Variants in SPATA6 observed in about 807,000 individuals in gnomAD.
SPATA6 encodes spermatogenesis-associated protein 6.
SPATA6 carries 56 observed loss-of-function variants against 65.3 expected under a neutral mutation model. That is an observed-to-expected ratio of 0.86 (90% CI 0.69 to 1.07). The LOEUF (loss-of-function observed/expected upper bound fraction) is 1.07, where lower values mean the gene tolerates loss of function less well. Among genes scored for constraint, SPATA6 ranks in the 50% least tolerant of loss-of-function variants. The probability of loss-of-function intolerance (pLI) is 0.00; values close to 1 mark genes in which losing one functional copy is unlikely to be tolerated. For missense variants in SPATA6, 590 were observed against 594.8 expected (o/e 0.99, Z 0.08); for synonymous variants, 199 against 213.2 (o/e 0.93, Z 0.58).
At chr1:48,414,596 C>T (rs1570497697) in intron 3 of SPATA6, among the ~76,000 whole-genome samples, 1 of 152,076 alleles carries the variant, frequency 6.6e-6, no homozygotes. Flanking sequence ...GCCATCCTGT[C>T]CAAACTAAGA....
At chr1:48,317,765 T>A (rs545015592) in intron 11 of SPATA6, among the ~76,000 whole-genome samples, 5 of 152,142 alleles carry the variant, frequency 3.3e-5, no homozygotes, top group Non-Finnish European at 7.4e-5. Flanking sequence ...ACCAAATCTT[T>A]ACAACTTCTT....
In SPATA6 at chr1:48,298,435, G is replaced by C; in HGVS notation, c.*278C>G. 4.0e-6 allele frequency: 1 copy of C among 251,462 alleles called. No homozygotes were observed. Among genetic ancestry groups the C allele is most frequent in the Admixed American group, 5.4e-5 (1 of 18,502 alleles). The allele number at this position is 251,462 out of a possible 1,614,324, so 15.6% of individuals were successfully genotyped here. A position where few individuals can be genotyped will look rare whatever the true frequency, so the allele number is the denominator to read the frequency against. ...TCTTGGATTTGCAGATGGAATATGA[G>C]GTGTACATGTAACAGAATATCCTTG... On this transcript the variant is annotated 3_prime_UTR_variant, in exon 13 of 13. Coordinates refer to ENST00000371847, the MANE Select transcript of SPATA6 (RefSeq NM_019073.4).
intron 11 of SPATA6, among the ~76,000 whole-genome samples, chr1:48,348,296 G>A (rs904242834): frequency 7.9e-5 from 12 of 151,936 alleles, no homozygotes; most frequent in Admixed American, 7.9e-4. Flanking sequence ...CATTTATTTA[G>A]AATTCTGGAA....
intron 11 of SPATA6, among the ~76,000 whole-genome samples, chr1:48,317,353 A>T (rs988614403): frequency 3.0e-4 from 45 of 152,216 alleles, no homozygotes; most frequent in Non-Finnish European, 5.3e-4. Flanking sequence ...AGCCATAAAA[A>T]ATGATGAGTT....
the SPATA6 span, among the ~76,000 whole-genome samples, chr1:48,275,150 T>C: frequency 1.8e-4 from 28 of 152,194 alleles, no homozygotes; most frequent in Non-Finnish European, 2.9e-4. Flanking sequence ...TGTCTATTAT[T>C]GGTACATAGG....
intron 1 of SPATA6, among the ~76,000 whole-genome samples, chr1:48,460,322 T>C (rs1156836244): frequency 6.6e-6 from 1 of 152,196 alleles, no homozygotes; most frequent in Admixed American, 6.5e-5. Context: ...ATTCTTTTAA[T>C]TAATTTTCTG....
At chr1:48,391,391 A>G (rs1443233076) in intron 8 of SPATA6, among the ~76,000 whole-genome samples, 1 of 151,984 alleles carries the variant, frequency 6.6e-6, no homozygotes, top group Non-Finnish European at 1.5e-5. Flanking sequence ...AAAAAGGACA[A>G]GGATATGCTA....
chr1:48,435,569 G>A (rs550645343), intron 3 of SPATA6, among the ~76,000 whole-genome samples: 56 of 150,664 alleles, frequency 3.7e-4, no homozygotes, highest in African/African-American at 1.3e-3. Context: ...AAAACACACC[G>A]CTCAGTGCTC....
At chr1:48,428,823 ATGTG>A (rs1353148907) in intron 3 of SPATA6, among the ~76,000 whole-genome samples, 7 of 116,274 alleles carry the variant, frequency 6.0e-5, no homozygotes, top group East Asian at 2.2e-4. Flanking sequence ...ATGTATATAT[ATGTG>A]TGTATATATA....
At position 48,296,270 on chromosome 1, in the gene SPATA6, C is replaced by T. The variant is rs900741593; in HGVS notation, c.*2443G>A. ...CTCTTTAAAAACAATACAGCATAAG[C>T]ACTCATAGTAGTAGTTACAGCAACA... On this transcript the variant is annotated 3_prime_UTR_variant, in exon 13 of 13. Transcript: ENST00000371847. 1 of 152,052 alleles carries T rather than the reference C, an allele frequency of 6.6e-6. No homozygotes were observed. The highest frequency in any genetic ancestry group is 1.5e-5 in the Non-Finnish European group (1 of 68,000). The allele number at this position is 152,052 out of a possible 1,614,324, so 9.4% of individuals were successfully genotyped here. A position where few individuals can be genotyped will look rare whatever the true frequency, so the allele number is the denominator to read the frequency against.
At chr1:48,361,861 A>G (rs1004910541) in intron 9 of SPATA6, among the ~76,000 whole-genome samples, 7 of 152,164 alleles carry the variant, frequency 4.6e-5, no homozygotes, top group Non-Finnish European at 7.4e-5. Flanking sequence ...CAAAATTACA[A>G]CAAATAATAA....
At chr1:48,363,723 T>C (rs1646894557) in intron 9 of SPATA6, among the ~76,000 whole-genome samples, 1 of 151,900 alleles carries the variant, frequency 6.6e-6, no homozygotes, top group Admixed American at 6.6e-5. Context: ...ATTTTTAAAC[T>C]AATCTGAAAC....
At chr1:48,449,924 A>C (rs1396347844) in intron 3 of SPATA6, among the ~76,000 whole-genome samples, 1 of 152,242 alleles carries the variant, frequency 6.6e-6, no homozygotes, top group Non-Finnish European at 1.5e-5. Flanking sequence ...AACATGTAAT[A>C]AGATTGGCAA....
chr1:48,353,394 G>T (rs1223562767), intron 11 of SPATA6, among the ~76,000 whole-genome samples: 1 of 140,446 alleles, frequency 7.1e-6, no homozygotes, highest in Non-Finnish European at 1.6e-5. Context: ...CCAAACAAAA[G>T]ACAAAACAAC....
At chr1:48,465,209 T>C (rs1657726811) in intron 1 of SPATA6, among the ~76,000 whole-genome samples, 1 of 152,072 alleles carries the variant, frequency 6.6e-6, no homozygotes, top group Non-Finnish European at 1.5e-5. Context: ...GGATCCAAGA[T>C]TGGAGTTAAG....
downstream of SPATA6, chr1:48,295,327 GA>G (rs1298700649): frequency 6.6e-6 from 1 of 152,060 alleles, no homozygotes; most frequent in African/African-American, 2.4e-5. Context: ...CTAAAAAGTG[GA>G]AACAACCAAA....
At chr1:48,465,424 G>A (rs1194546823) in intron 1 of SPATA6, among the ~76,000 whole-genome samples, 1 of 152,020 alleles carries the variant, frequency 6.6e-6, no homozygotes, top group Non-Finnish European at 1.5e-5. Context: ...GAAACTAACC[G>A]GATACCCTGA....
At chr1:48,432,176 T>C (rs1030249743) in intron 3 of SPATA6, among the ~76,000 whole-genome samples, 2 of 151,964 alleles carry the variant, frequency 1.3e-5, no homozygotes, top group African/African-American at 2.4e-5. Context: ...TTTAAGGACC[T>C]AGAAAAGCAT....
At chr1:48,389,502 A>G (rs1351262311) in intron 8 of SPATA6, among the ~76,000 whole-genome samples, 1 of 152,192 alleles carries the variant, frequency 6.6e-6, no homozygotes. Flanking sequence ...TCTAAAGTCA[A>G]TGACAAAAAA....
Sources: gnomAD v4.1 joint callset for allele counts (sites outside exome capture counted in the v4.1 genomes callset) on GRCh38, gnomAD v4.1.1 for gene constraint, MANE v1.5 for transcripts, NCBI Gene and HGNC (gene_info 2026-07-23, HGNC 2026-07-21) for gene names.